Variants in PAPSS1 observed in about 807,000 individuals in gnomAD.
PAPSS1 encodes bifunctional 3'-phosphoadenosine 5'-phosphosulfate synthase 1.
In PAPSS1, 50 loss-of-function variants were observed where a neutral mutation model predicts 72.0. The observed-to-expected ratio is 0.69, with a 90% confidence interval of 0.55 to 0.88. The LOEUF (loss-of-function observed/expected upper bound fraction) is 0.88, where lower values mean the gene tolerates loss of function less well. PAPSS1 is among the 40% of genes least tolerant of loss of function. The pLI, the probability that PAPSS1 is intolerant of heterozygous loss-of-function variation, is 0.00. For missense variants in PAPSS1, 657 were observed against 782.2 expected, an observed-to-expected ratio of 0.84 and a Z score of 1.91; for synonymous variants, 261 against 263.6, an observed-to-expected ratio of 0.99 and a Z score of 0.09.
At chr4:107,676,011 T>A (rs892425465) in intron 5 of PAPSS1, among the ~76,000 whole-genome samples, 150 of 152,286 alleles carry the variant, frequency 9.8e-4, no homozygotes, top group African/African-American at 3.4e-3. Flanking sequence ...TCTCAATAAA[T>A]TAGGTATTGA....
chr4:107,688,310 G>T lies in PAPSS1; in HGVS notation c.412-1133C>A, dbSNP rs1170438524. Among the ~76,000 whole-genome samples the T allele has an allele frequency of 2.0e-5, 3 of 152,164 alleles. No individual in the cohort carries two copies. The East Asian group carries it at 5.8e-4, about 29-fold the overall frequency. On this transcript the variant is annotated intron_variant, in intron 3 of 11. Coordinates refer to ENST00000265174, the MANE Select transcript of PAPSS1 (RefSeq NM_005443.5). ...CAAAACAACTGCTAAGGGCAGTGGT[G>T]TAGCACGCTTATAGTCCCAGCTACT...
intron 8 of PAPSS1, 50 bp downstream of exon 8, chr4:107,654,645 C>T (rs777814951): frequency 2.2e-5 from 32 of 1,462,472 alleles, no homozygotes; most frequent in Non-Finnish European, 3.1e-5. Flanking sequence ...CATTTCAGCA[C>T]AAACATCATT....
intron 11 of PAPSS1, among the ~76,000 whole-genome samples, chr4:107,628,222 T>C (rs1191009871): frequency 1.3e-5 from 2 of 152,190 alleles, no homozygotes; most frequent in Non-Finnish European, 2.9e-5. Context: ...GTATGCATTG[T>C]CTCCAGAATT....
chr4:107,681,897 G>A (rs756987972), intron 5 of PAPSS1, 118 bp downstream of exon 5: 9 of 605,392 alleles, frequency 1.5e-5, no homozygotes, highest in Admixed American at 3.0e-5. Flanking sequence ...TTGGCATTTC[G>A]AAGCATTTAA....
rs139564079 is a variant in PAPSS1, at chr4:107,679,765, A to AC, written c.669+2249dup. Among the ~76,000 whole-genome samples the AC allele has an allele frequency of 6.4e-3, 965 of 150,308 alleles. 5 individuals carry two copies. The highest frequency in any genetic ancestry group is 0.021 in the African/African-American group (867 of 40,826). ...GCAATCTCGGCTCACTGCAACTTCCACCCCCCCAGATTCAAGCACTCCTCA... is the reference window on the plus strand; with the variant it reads ...GCAATCTCGGCTCACTGCAACTTCCACCCCCCCCAGATTCAAGCACTCCTCA... On this transcript the variant is annotated intron_variant, in intron 5 of 11. Coordinates refer to ENST00000265174, the MANE Select transcript of PAPSS1 (RefSeq NM_005443.5).
At chr4:107,713,078 C>T (rs1251191240) in intron 1 of PAPSS1, among the ~76,000 whole-genome samples, 1 of 151,832 alleles carries the variant, frequency 6.6e-6, no homozygotes, top group Non-Finnish European at 1.5e-5. Context: ...TCCTGAGTAG[C>T]TGGGATTACA....
At chr4:107,706,142 A>C (rs1446488207) in intron 1 of PAPSS1, among the ~76,000 whole-genome samples, 12 of 152,178 alleles carry the variant, frequency 7.9e-5, no homozygotes, top group Non-Finnish European at 5.9e-5. Context: ...TTTGGATTGA[A>C]TCTGATTAGA....
At chr4:107,655,670 T>C (rs1654864983) in intron 7 of PAPSS1, among the ~76,000 whole-genome samples, 1 of 152,240 alleles carries the variant, frequency 6.6e-6, no homozygotes, top group South Asian at 2.1e-4. Context: ...CATCATGGCA[T>C]ATCTTCTTTG....
chr4:107,704,450 C>A (rs1352303829), intron 1 of PAPSS1, among the ~76,000 whole-genome samples: 1 of 152,192 alleles, frequency 6.6e-6, no homozygotes, highest in Non-Finnish European at 1.5e-5. Flanking sequence ...TCAACTTTTC[C>A]TGTTTTACCA....
chr4:107,642,425 T>C (rs531585263), intron 10 of PAPSS1, among the ~76,000 whole-genome samples: 2 of 152,268 alleles, frequency 1.3e-5, no homozygotes, highest in African/African-American at 4.8e-5. Context: ...GAACTGTGAA[T>C]AACAATAGTA....
chr4:107,708,591 A>C (rs1723402478), intron 1 of PAPSS1, among the ~76,000 whole-genome samples: 1 of 152,236 alleles, frequency 6.6e-6, no homozygotes, highest in Admixed American at 6.5e-5. Flanking sequence ...CATAAAAATT[A>C]TCTGTCAAGC....
chr4:107,696,710 T>C (rs1723072637), intron 2 of PAPSS1, among the ~76,000 whole-genome samples: 1 of 151,990 alleles, frequency 6.6e-6, no homozygotes. Context: ...AACTGCACGT[T>C]CTACACATGT....
intron 9 of PAPSS1, among the ~76,000 whole-genome samples, chr4:107,647,094 G>A (rs78932189): frequency 6.6e-6 from 1 of 152,360 alleles, no homozygotes; most frequent in East Asian, 1.9e-4. Context: ...TGCAGCTGGA[G>A]ACATGCTGAG....
intron 4 of PAPSS1, among the ~76,000 whole-genome samples, chr4:107,684,016 TCAGGGGAATGTAGTCAACAA>T (rs1450897550): frequency 2.0e-5 from 3 of 152,076 alleles, no homozygotes; most frequent in South Asian, 2.1e-4. Flanking sequence ...CAACCTCTAC[TCAGGGGAATGTAGTCAACAA>T]CAGGGGAATG....
rs761954293 is a variant in PAPSS1 at position 107,654,838 on chromosome 4, G to C, written c.958C>G (p.Leu320Val). 5 of 1,613,874 alleles carry C rather than the reference G, an allele frequency of 3.1e-6. No individual in the cohort carries two copies. Among genetic ancestry groups the C allele is most frequent in the Non-Finnish European group, 4.2e-6 (5 of 1,179,930 alleles). Reference sequence around the variant, plus strand: ...AGAGCAAATGCTGTACAGCCGTCCAGCCTCTCTTTATCTTCATGAGTCGCA... The same window carrying C: ...AGAGCAAATGCTGTACAGCCGTCCACCCTCTCTTTATCTTCATGAGTCGCA... Reference protein sequence around the residue: ...LTATHEDKERLDGCTAFALMY... With the variant: ...LTATHEDKERVDGCTAFALMY... Residue 320 changes from leucine (L) to valine (V), a missense_variant, in exon 8 of 12, where the codon CTG becomes GTG. Around this residue, in one of 7 missense-constraint regions of PAPSS1, gnomAD observed 190 missense variants for 176.7 expected, o/e 1.07. Coordinates refer to ENST00000265174, the MANE Select transcript of PAPSS1 (RefSeq NM_005443.5).
In PAPSS1 at chr4:107,658,950, A is replaced by C. The variant is rs551760149; in HGVS notation, c.783+1009T>G. Among the ~76,000 whole-genome samples, 4 of 152,372 alleles carry C rather than the reference A, an allele frequency of 2.6e-5. No individual in the cohort carries two copies. The South Asian group carries it at 8.3e-4, about 32-fold the overall frequency. ...ATTTGAAAACCAATGAATTGAAAAT[A>C]CATTCCATTTAGAAAAAGCTACTGT... On this transcript the variant is annotated intron_variant, in intron 6 of 11. Transcript: ENST00000265174.
chr4:107,690,087 T>C (rs1486754332), intron 3 of PAPSS1, among the ~76,000 whole-genome samples: 2 of 152,176 alleles, frequency 1.3e-5, no homozygotes, highest in South Asian at 2.1e-4. Context: ...GCAAGCCTCC[T>C]GGCTAGTCTC....
Position 107,644,874 on chromosome 4 carries a change from T to C in PAPSS1, c.1434A>G (p.Glu478=). ...RMKQHAAVLE[E]GVLNPETTVV... ...CTGTCGTCTCAGGATTCAGAACTCC[T>C]TCCTCCAACACTGCAGCATGCTGCT... Residue 478 remains glutamate (E), a synonymous_variant, in exon 10 of 12, where the codon GAA becomes GAG. Coordinates refer to ENST00000265174, the MANE Select transcript of PAPSS1 (RefSeq NM_005443.5). 6.2e-7 allele frequency: 1 copy of C among 1,613,960 alleles called. No individual in the cohort carries two copies. The highest frequency in any genetic ancestry group is 2.2e-5 in the East Asian group (1 of 44,856).
At chr4:107,696,104 C>T (rs577830018) in intron 2 of PAPSS1, among the ~76,000 whole-genome samples, 20 of 152,214 alleles carry the variant, frequency 1.3e-4, no homozygotes, top group East Asian at 3.9e-4. Flanking sequence ...GAAATAGGAA[C>T]GCTTTTAAAC....
Sources: gnomAD v4.1 joint callset for allele counts (sites outside exome capture counted in the v4.1 genomes callset) on GRCh38, gnomAD v4.1.1 for gene constraint, gnomAD v4.1.1 regional missense constraint, MANE v1.5 for transcripts, NCBI Gene and HGNC (gene_info 2026-07-23, HGNC 2026-07-21) for gene names.